CLTA: variants seen among roughly 807,000 people sequenced by gnomAD.
CLTA encodes the protein clathrin, light polypeptide (Lca).
In CLTA, 9 loss-of-function variants were observed where a neutral mutation model predicts 26.9. The ratio of observed to expected loss-of-function variants is 0.33; its 90% CI spans 0.20 to 0.58. The LOEUF is 0.58. CLTA is among the 20% of genes least tolerant of loss of function. The pLI is 0.85. For missense variants in CLTA, 278 were observed against 294.2 expected (o/e 0.94, Z 0.40); for synonymous variants, 120 against 115.5 (o/e 1.04, Z -0.25).
chr9:36,205,208 C>G (rs1827642606), intron 4 of CLTA, among the ~76,000 whole-genome samples: 1 of 152,170 alleles, frequency 6.6e-6, no homozygotes, highest in African/African-American at 2.4e-5. Flanking sequence ...AGCCTGTGTC[C>G]TGGTCACTTT....
intron 4 of CLTA, chr9:36,209,464 C>T (rs1311562136): frequency 1.9e-5 from 13 of 674,198 alleles, no homozygotes; most frequent in Admixed American, 1.7e-4. Flanking sequence ...AATTGATAAG[C>T]GGGGTATGAT....
chr9:36,205,762 T>TG (rs1563916033), intron 4 of CLTA, among the ~76,000 whole-genome samples: 1 of 143,828 alleles, frequency 7.0e-6, no homozygotes. Flanking sequence ...CCTGTTTTTT[T>TG]TTTTTTTTTT....
chr9:36,205,815 G>A lies in CLTA; in HGVS notation c.485+1636G>A, dbSNP rs542340830. On this transcript the variant is annotated intron_variant, in intron 4 of 4. Coordinates refer to ENST00000345519, the MANE Select transcript of CLTA (RefSeq NM_001833.4). Reference sequence around the variant, plus strand: ...TGCTCTGTTGCCCAGGCTGGAGTGCGGTGGTGCGATCTCGGCTCACTGCAA... The same window carrying A: ...TGCTCTGTTGCCCAGGCTGGAGTGCAGTGGTGCGATCTCGGCTCACTGCAA... Among the ~76,000 whole-genome samples the A allele has an allele frequency of 2.7e-3, 404 of 147,232 alleles. 3 individuals are homozygous for A. Among genetic ancestry groups the A allele is most frequent in the African/African-American group, 9.4e-3 (371 of 39,412 alleles).
At position 36,198,142 on chromosome 9, in the gene CLTA, G is replaced by A. The variant is rs1371734605; in HGVS notation, c.255+554G>A. Among the ~76,000 whole-genome samples the A allele has an allele frequency of 4.6e-5, 7 of 151,706 alleles. No individual in the cohort carries two copies. The South Asian group carries it at 1.0e-3, about 23-fold the overall frequency. ...CTCCTGAGTAGCTGGAATTACAGGCGCATGCCACCACGCCCGGCTAATTTT... is the reference window on the plus strand; with the variant it reads ...CTCCTGAGTAGCTGGAATTACAGGCACATGCCACCACGCCCGGCTAATTTT... On this transcript the variant is annotated intron_variant, in intron 2 of 4. Coordinates refer to ENST00000345519, the MANE Select transcript of CLTA (RefSeq NM_001833.4).
intron 4 of CLTA, among the ~76,000 whole-genome samples, chr9:36,209,055 G>T (rs1036407840): frequency 6.6e-6 from 1 of 152,200 alleles, no homozygotes; most frequent in African/African-American, 2.4e-5. Flanking sequence ...TTGCTCTGTC[G>T]TGGAGCAGTC....
intron 3 of CLTA, among the ~76,000 whole-genome samples, chr9:36,199,977 A>G (rs1257552092): frequency 1.3e-5 from 2 of 152,190 alleles, no homozygotes; most frequent in Non-Finnish European, 2.9e-5. Context: ...CCTTGCTTCA[A>G]AGTCACTACC....
chr9:36,197,680 C>T (rs1243951369), intron 2 of CLTA, 92 bp downstream of exon 2: 2 of 942,146 alleles, frequency 2.1e-6, no homozygotes, highest in African/African-American at 1.7e-5. Context: ...AAACCCCAGT[C>T]CTTTGACTTT....
In CLTA at chr9:36,207,459, T is replaced by G. The variant is rs1485857302; in HGVS notation, c.485+3280T>G. 3.3e-5 allele frequency among the ~76,000 whole-genome samples: 5 copies of G among 152,392 alleles called. No homozygotes were observed. The South Asian group carries it at 8.3e-4, about 25-fold the overall frequency. ...CTCAGAGATGGCAAACATTTTTTTCTGTGCCCACTTTGAGGCTGTTTATGG... is the reference window on the plus strand; with the variant it reads ...CTCAGAGATGGCAAACATTTTTTTCGGTGCCCACTTTGAGGCTGTTTATGG... On this transcript the variant is annotated intron_variant, in intron 4 of 4. Coordinates refer to ENST00000345519, the MANE Select transcript of CLTA (RefSeq NM_001833.4).
intron 1 of CLTA, among the ~76,000 whole-genome samples, chr9:36,192,107 T>A (rs1826766152): frequency 6.6e-6 from 1 of 152,180 alleles, no homozygotes; most frequent in Admixed American, 6.5e-5. Flanking sequence ...AAGACCTACT[T>A]AATAATACAA....
Position 36,204,072 on chromosome 9 carries a change from C to T in CLTA, c.378C>T (p.Ala126=). 1 of 1,613,972 alleles carries T rather than the reference C, an allele frequency of 6.2e-7. No homozygotes were observed. The highest frequency in any genetic ancestry group is 8.5e-7 in the Non-Finnish European group (1 of 1,179,940). The change falls in exon 4 of 5, where the codon GCC becomes GCT. Residue 126 remains alanine, a synonymous_variant. Transcript: ENST00000345519. ...EQMERLEALD[A]NSRKQEAEWK... ...TTCTCTTCTCTCCCTTCAAAGATGC[C>T]AATTCTCGGAAGCAAGAAGCAGAGT...
intron 3 of CLTA, among the ~76,000 whole-genome samples, 171 bp downstream of exon 3, chr9:36,199,267 A>G (rs1263308471): frequency 3.9e-5 from 6 of 152,092 alleles, no homozygotes; most frequent in African/African-American, 1.4e-4. Context: ...GCCTAATCAC[A>G]GGCCATTGTG....
intron 3 of CLTA, among the ~76,000 whole-genome samples, chr9:36,200,771 A>G (rs545702422): frequency 6.6e-6 from 1 of 152,362 alleles, no homozygotes; most frequent in East Asian, 1.9e-4. Context: ...TTCACAATTC[A>G]AGTGTGACTG....
intron 3 of CLTA, 120 bp from the exon 4 acceptor site, chr9:36,203,948 A>G (rs1827571803): frequency 7.3e-7 from 1 of 1,373,746 alleles, no homozygotes. Flanking sequence ...CTTCTCCCCC[A>G]ACAGGCACAC....
At position 36,198,892 on chromosome 9, in the gene CLTA, A is replaced by C. The variant is rs1362615992; in HGVS notation, c.256-87A>C. 1.5e-4 allele frequency: 126 copies of C among 835,556 alleles called. No individual in the cohort carries two copies. The South Asian group carries it at 1.7e-3, about 11-fold the overall frequency. The allele number at this position is 835,556 out of a possible 1,614,324, so 51.8% of individuals were successfully genotyped here. The stretch of plus-strand genomic sequence containing the variant: ...TCTGTCTCAAAAAAAAAAAAAAAAA[A>C]CAGAACCAGGGGTTCTAACTCAGGT... On this transcript the variant is annotated intron_variant, in intron 2 of 4. Transcript: ENST00000345519.
At chr9:36,200,026 T>G (rs1827310354) in intron 3 of CLTA, among the ~76,000 whole-genome samples, 2 of 152,196 alleles carry the variant, frequency 1.3e-5, no homozygotes, top group African/African-American at 4.8e-5. Context: ...ACATTTAATG[T>G]GCGTGGCCAT....
intron 1 of CLTA, among the ~76,000 whole-genome samples, chr9:36,191,628 T>G (rs779524538): frequency 3.3e-5 from 5 of 152,180 alleles, no homozygotes; most frequent in South Asian, 2.1e-4. Context: ...TCCAGACTTA[T>G]AAGCTTATAA....
chr9:36,202,791 C>T (rs1209967450), intron 3 of CLTA, among the ~76,000 whole-genome samples: 2 of 151,850 alleles, frequency 1.3e-5, no homozygotes, highest in Admixed American at 1.3e-4. Context: ...CAAGTGTCAG[C>T]TGCCTCAGTA....
At chr9:36,202,962 G>T (rs1054906774) in intron 3 of CLTA, among the ~76,000 whole-genome samples, 12 of 151,796 alleles carry the variant, frequency 7.9e-5, no homozygotes, top group Non-Finnish European at 1.3e-4. Flanking sequence ...ATCCCCAGTA[G>T]CTGGGATTAT....
chr9:36,193,049 TGG>T (rs1826827332), intron 1 of CLTA, among the ~76,000 whole-genome samples: 1 of 152,222 alleles, frequency 6.6e-6, no homozygotes, highest in Non-Finnish European at 1.5e-5. Context: ...TGACAGATCT[TGG>T]TGACGGGCAG....
Sources: gnomAD v4.1 joint callset for allele counts (sites outside exome capture counted in the v4.1 genomes callset) on GRCh38, gnomAD v4.1.1 for gene constraint, MANE v1.5 for transcripts, NCBI Gene and HGNC (gene_info 2026-07-23, HGNC 2026-07-21) for gene names.